Variants in MAD1L1 observed in about 807,000 individuals in gnomAD.
The protein encoded by MAD1L1 is mitotic arrest deficient 1 like 1, also known as mitotic spindle assembly checkpoint protein MAD1.
In MAD1L1, 95 loss-of-function variants were observed where a neutral mutation model predicts 96.9. That is an observed-to-expected ratio of 0.98 (90% CI 0.83 to 1.16). The LOEUF (loss-of-function observed/expected upper bound fraction) is 1.16. Among genes scored for constraint, MAD1L1 ranks in the 50% most tolerant of loss-of-function variants. The probability of loss-of-function intolerance (pLI) is 0.00; values close to 1 mark genes in which losing one functional copy is unlikely to be tolerated. For synonymous variants in MAD1L1, 473 were observed against 396.6 expected (o/e 1.19, Z -2.29); for missense variants, 1,007 against 954.4 (o/e 1.06, Z -0.73).
intron 17 of MAD1L1, among the ~76,000 whole-genome samples, chr7:1,905,594 G>C (rs528772183): frequency 6.6e-6 from 1 of 152,198 alleles, no homozygotes; most frequent in Non-Finnish European, 1.5e-5. Context: ...CAGCGAGGAC[G>C]CAGTAGCCTA....
intron 10 of MAD1L1, among the ~76,000 whole-genome samples, chr7:2,164,415 G>A (rs1169590143): frequency 1.3e-5 from 2 of 152,186 alleles, no homozygotes; most frequent in African/African-American, 4.8e-5. Context: ...CTGCGCTGAG[G>A]GCACCCGGCA....
chr7:1,839,202 G>A (rs530418909), intron 18 of MAD1L1, among the ~76,000 whole-genome samples: 1 of 152,244 alleles, frequency 6.6e-6, no homozygotes, highest in Admixed American at 6.5e-5. Context: ...TCGTGTAGGT[G>A]GAGCAGGGCT....
chr7:1,853,584 C>G (rs894853088), intron 18 of MAD1L1, among the ~76,000 whole-genome samples: 5 of 152,190 alleles, frequency 3.3e-5, no homozygotes, highest in African/African-American at 1.2e-4. Context: ...CCCCACCCTG[C>G]CTGCCTGACC....
At chr7:2,176,075 C>T (rs1324129393) in intron 10 of MAD1L1, among the ~76,000 whole-genome samples, 1 of 152,138 alleles carries the variant, frequency 6.6e-6, no homozygotes, top group African/African-American at 2.4e-5. Context: ...AGTCTGGGTG[C>T]GGTGGCTCAC....
chr7:2,008,847 C>T (rs376275301), intron 13 of MAD1L1, among the ~76,000 whole-genome samples: 40 of 152,136 alleles, frequency 2.6e-4, no homozygotes, highest in African/African-American at 8.7e-4. Context: ...GGAAGGAACA[C>T]GGCTCCATCC....
chr7:2,095,805 C>T (rs972513249), intron 11 of MAD1L1, among the ~76,000 whole-genome samples: 4 of 152,174 alleles, frequency 2.6e-5, no homozygotes, highest in African/African-American at 7.2e-5. Flanking sequence ...GGGTGCAGGC[C>T]GGACACCCCA....
intron 14 of MAD1L1, among the ~76,000 whole-genome samples, chr7:2,001,516 C>A (rs918662085): frequency 1.3e-5 from 2 of 152,260 alleles, no homozygotes; most frequent in Admixed American, 6.5e-5. Context: ...TCGGAGGCAG[C>A]CAGGAGAGTG....
intron 11 of MAD1L1, among the ~76,000 whole-genome samples, chr7:2,096,093 G>T (rs1462742569): frequency 6.6e-6 from 1 of 152,124 alleles, no homozygotes; most frequent in Admixed American, 6.5e-5. Context: ...CAAGGCCGGC[G>T]GCCAAGGTGG....
At chr7:1,875,696 A>G (rs1190536863) in intron 18 of MAD1L1, among the ~76,000 whole-genome samples, 2 of 152,356 alleles carry the variant, frequency 1.3e-5, no homozygotes, top group East Asian at 3.9e-4. Context: ...TGTGCAACAG[A>G]TAACAGGTAG....
chr7:1,846,830 C>T (rs1208512434), intron 18 of MAD1L1: 5 of 202,792 alleles, frequency 2.5e-5, no homozygotes, highest in South Asian at 7.5e-5. Context: ...ATGCAATTTG[C>T]GTGTGCAAGA....
chr7:1,818,121 C>T (rs1182140827), intron 18 of MAD1L1, among the ~76,000 whole-genome samples: 6 of 152,134 alleles, frequency 3.9e-5, no homozygotes, highest in African/African-American at 7.2e-5. Context: ...GCCTTCTGCT[C>T]TTGATTCTGA....
At chr7:1,832,582 G>A (rs2128627592) in intron 18 of MAD1L1, among the ~76,000 whole-genome samples, 1 of 128,382 alleles carries the variant, frequency 7.8e-6, no homozygotes, top group Admixed American at 9.0e-5. Flanking sequence ...TTCATGAAAG[G>A]AAGAGTCAAT....
intron 10 of MAD1L1, among the ~76,000 whole-genome samples, chr7:2,163,460 G>GC (rs1192095631): frequency 3.3e-5 from 5 of 152,094 alleles, no homozygotes; most frequent in Middle Eastern, 3.4e-3. Context: ...TGCAACCTCT[G>GC]CCCCCCCGGT....
In MAD1L1 at chr7:2,210,417, T is replaced by C. The variant is rs138979501; in HGVS notation, c.986+2795A>G. ...ACCCTCCCGGTGATTCTAGGAGCCG[T>C]ATTCGGGACCGCCAGCCCGCATTCC... On this transcript the variant is annotated intron_variant, in intron 10 of 18. Transcript: ENST00000265854. Among the ~76,000 whole-genome samples the C allele has an allele frequency of 2.4e-3, 343 of 140,336 alleles. 3 individuals are homozygous for C. Among genetic ancestry groups the C allele is most frequent in the African/African-American group, 8.3e-3 (326 of 39,230 alleles). 92.1% of individuals were successfully genotyped at this position (140,336 alleles called of 152,430 possible).
chr7:1,970,661 T>G (rs1167178521), intron 15 of MAD1L1, among the ~76,000 whole-genome samples: 2 of 152,080 alleles, frequency 1.3e-5, no homozygotes, highest in Non-Finnish European at 2.9e-5. Flanking sequence ...AGTAAAAAAT[T>G]TAAACACCTG....
intron 14 of MAD1L1, among the ~76,000 whole-genome samples, chr7:1,981,352 C>T (rs867531024): frequency 5.9e-5 from 9 of 152,128 alleles, no homozygotes; most frequent in South Asian, 2.1e-4. Context: ...GGAGCCAGAA[C>T]GGACTGCGGG....
chr7:2,027,963 AAATT>A (rs1349096655), intron 12 of MAD1L1, among the ~76,000 whole-genome samples: 1 of 152,230 alleles, frequency 6.6e-6, no homozygotes, highest in African/African-American at 2.4e-5. Context: ...ATCTACAAAT[AAATT>A]ATTAAAATAA....
chr7:1,891,970 C>T (rs917340169), intron 18 of MAD1L1, among the ~76,000 whole-genome samples: 6 of 152,154 alleles, frequency 3.9e-5, no homozygotes, highest in African/African-American at 1.4e-4. Flanking sequence ...GTTGTGCACA[C>T]TCATGTCCTA....
At chr7:1,955,973 A>G (rs1218940648) in intron 16 of MAD1L1, among the ~76,000 whole-genome samples, 2 of 59,428 alleles carry the variant, frequency 3.4e-5, no homozygotes, top group African/African-American at 1.3e-4. Context: ...GGATGAGGGC[A>G]AGTAAGGTGG....
Sources: gnomAD v4.1 joint callset for allele counts (sites outside exome capture counted in the v4.1 genomes callset) on GRCh38, gnomAD v4.1.1 for gene constraint, MANE v1.5 for transcripts, NCBI Gene and HGNC (gene_info 2026-07-23, HGNC 2026-07-21) for gene names.